The following FKBP14 variants were observed in gnomAD, a reference collection of about 807,000 sequenced individuals.
FKBP14 encodes FKBP prolyl isomerase 14, also known as peptidyl-prolyl cis-trans isomerase FKBP14.
A neutral mutation model predicts 21.6 loss-of-function variants in FKBP14; 20 were observed. That is an observed-to-expected ratio of 0.92 (90% CI 0.65 to 1.34). The LOEUF (loss-of-function observed/expected upper bound fraction) is 1.34. Among genes scored for constraint, FKBP14 ranks in the 40% most tolerant of loss-of-function variants. FKBP14 has a pLI of 0.00. For synonymous variants in FKBP14, 79 were observed against 86.7 expected (o/e 0.91, Z 0.49); for missense variants, 253 against 249.0 (o/e 1.02, Z -0.11).
intron 1 of FKBP14, among the ~76,000 whole-genome samples, chr7:30,024,841 C>T (rs1477464318): frequency 2.0e-5 from 3 of 152,204 alleles, no homozygotes; most frequent in African/African-American, 2.4e-5. Flanking sequence ...CCAAAGTCAG[C>T]ACAGGTTTTT....
chr7:30,024,891 A>C (rs1790133382), intron 1 of FKBP14, among the ~76,000 whole-genome samples: 1 of 152,246 alleles, frequency 6.6e-6, no homozygotes, highest in Non-Finnish European at 1.5e-5. Flanking sequence ...AGTCTAAAAG[A>C]GATCAGACTA....
At position 30,022,820 on chromosome 7, in the gene FKBP14, TG is replaced by T; in HGVS notation, c.198-5del. ...CTGACCATTGTTATGTTTGTGACTA[TG>T]ATAGAAATAAAACACATTAGAACTC... On this transcript the variant is annotated splice_polypyrimidine_tract_variant and splice_region_variant and intron_variant, in intron 1 of 3. Coordinates refer to ENST00000222803, the MANE Select transcript of FKBP14 (RefSeq NM_017946.4). 1 of 1,610,306 alleles carries T rather than the reference TG, an allele frequency of 6.2e-7. No homozygotes were observed. The highest frequency in any genetic ancestry group is 1.7e-4 in the Middle Eastern group (1 of 6,052).
intron 3 of FKBP14, among the ~76,000 whole-genome samples, chr7:30,015,626 C>CTTT (rs1265376198): frequency 3.8e-5 from 5 of 131,632 alleles, no homozygotes; most frequent in African/African-American, 1.1e-4. Flanking sequence ...TAGACAGAAT[C>CTTT]TTTTTTTTTT....
In FKBP14 at chr7:30,011,594, ATATATATATATATATAT is replaced by A. The variant is rs1562834425; in HGVS notation, c.*3124_*3140del. ...TATATGGTATATATATATATATAGT[ATATATATATATATATAT>A]TTTTTTTTTTAGATGGGGAGTCACT... On this transcript the variant is annotated 3_prime_UTR_variant, in exon 4 of 4. Coordinates refer to ENST00000222803, the MANE Select transcript of FKBP14 (RefSeq NM_017946.4). 3 of 127,024 alleles carry A rather than the reference ATATATATATATATATAT, an allele frequency of 2.4e-5. No homozygotes were observed. Among genetic ancestry groups the A allele is most frequent in the African/African-American group, 8.7e-5 (3 of 34,434 alleles). 7.9% of individuals were successfully genotyped at this position (127,024 alleles called of 1,614,324 possible).
In FKBP14 at chr7:30,026,692, A is replaced by G. The variant is rs1457138475; in HGVS notation, c.-184T>C. On this transcript the variant is annotated 5_prime_UTR_variant, in exon 1 of 4. Transcript: ENST00000222803. ...CTCAAGGGTCACGAACCTACCTTTA[A>G]AGAGTTAAGCCCAAATGCCGGCCTG... 4.1e-5 allele frequency: 22 copies of G among 542,630 alleles called. No homozygotes were observed. The highest frequency in any genetic ancestry group is 2.3e-4 in the East Asian group (8 of 34,884). 33.6% of individuals were successfully genotyped at this position (542,630 alleles called of 1,614,324 possible).
Position 30,026,547 on chromosome 7 carries a change from G to T in FKBP14, c.-39C>A. 6.4e-7 allele frequency: 1 copy of T among 1,569,614 alleles called. No homozygotes were observed. Among genetic ancestry groups the T allele is most frequent in the Non-Finnish European group, 8.6e-7 (1 of 1,156,874 alleles). ...GGAAAGAAGTCCCTACAAAAGCAGC[G>T]AAAGGTCCCTCGACTTCATAGATTT... On this transcript the variant is annotated 5_prime_UTR_variant, in exon 1 of 4. The change creates a premature stop within an existing upstream ORF in the 5' untranslated region. Coordinates refer to ENST00000222803, the MANE Select transcript of FKBP14 (RefSeq NM_017946.4).
chr7:30,018,565 C>G (rs910780627), intron 3 of FKBP14, among the ~76,000 whole-genome samples: 3 of 152,204 alleles, frequency 2.0e-5, no homozygotes, highest in Non-Finnish European at 4.4e-5. Context: ...CAGGAAAACA[C>G]TACAAGATGT....
chr7:30,018,901 A>G, intron 3 of FKBP14, 95 bp downstream of exon 3: 1 of 1,278,168 alleles, frequency 7.8e-7, no homozygotes, highest in African/African-American at 1.5e-5. Flanking sequence ...ATATACACAT[A>G]TTCATTTAAA....
downstream of FKBP14, among the ~76,000 whole-genome samples, chr7:30,006,405 G>A (rs1789619032): frequency 6.6e-6 from 1 of 151,788 alleles, no homozygotes. Flanking sequence ...GAGATTACAG[G>A]CGTGAGCCAC....
downstream of FKBP14, among the ~76,000 whole-genome samples, chr7:30,007,772 A>G (rs998451713): frequency 5.9e-5 from 9 of 152,162 alleles, no homozygotes; most frequent in African/African-American, 2.2e-4. Context: ...ACTCAGGCCC[A>G]GCGTGATGGC....
Position 30,012,044 on chromosome 7 carries a change from A to G in FKBP14, c.*2691T>C, listed in dbSNP as rs1455607604. ...TCCTACATGTGTAGCAGGCTACACT[A>G]TCTAGGTTTGTGTAAGTACACTCTA... On this transcript the variant is annotated 3_prime_UTR_variant, in exon 4 of 4. Coordinates refer to ENST00000222803, the MANE Select transcript of FKBP14 (RefSeq NM_017946.4). 6.6e-6 allele frequency: 1 copy of G among 152,220 alleles called. No homozygotes were observed. Among genetic ancestry groups the G allele is most frequent in the Non-Finnish European group, 1.5e-5 (1 of 68,044 alleles). The allele number at this position is 152,220 out of a possible 1,614,324, so 9.4% of individuals were successfully genotyped here.
chr7:30,006,406 CG>C (rs1789619144), downstream of FKBP14, among the ~76,000 whole-genome samples: 1 of 151,544 alleles, frequency 6.6e-6, no homozygotes, highest in African/African-American at 2.4e-5. Context: ...AGATTACAGG[CG>C]TGAGCCACCA....
chr7:30,017,419 A>G (rs575910740), intron 3 of FKBP14, among the ~76,000 whole-genome samples: 214 of 152,218 alleles, frequency 1.4e-3, no homozygotes, highest in African/African-American at 5.0e-3. Flanking sequence ...AAATACGACA[A>G]TTAGCTGGGT....
chr7:30,022,706 AGCT>A lies in FKBP14; in HGVS notation c.305_307del (p.Lys102_Leu103delinsIle). ...ATAGCCCAGAGCAGGAGGAATGATG[AGCT>A]TTCTCTTCTCTCCTACACACATTCC... On this transcript the variant is annotated inframe_deletion, in exon 2 of 4. Transcript: ENST00000222803. 6.2e-7 allele frequency: 1 copy of A among 1,614,084 alleles called. No homozygotes were observed. The highest frequency in any genetic ancestry group is 1.1e-5 in the South Asian group (1 of 91,056).
rs1324779940 is a variant in FKBP14 at position 30,026,587 on chromosome 7, A to C, written c.-79T>G. On this transcript the variant is annotated 5_prime_UTR_variant, in exon 1 of 4. Coordinates refer to ENST00000222803, the MANE Select transcript of FKBP14 (RefSeq NM_017946.4). Reference sequence around the variant, plus strand: ...TTCATAGATTTAAGAACGTAGTTCAAGGCTTACGGACAAGGGCTTCAGACA... The same window carrying C: ...TTCATAGATTTAAGAACGTAGTTCACGGCTTACGGACAAGGGCTTCAGACA... 3.9e-5 allele frequency: 54 copies of C among 1,367,550 alleles called. No homozygotes were observed. The highest frequency in any genetic ancestry group is 2.2e-4 in the Admixed American group (9 of 41,236). The allele number at this position is 1,367,550 out of a possible 1,614,324, so 84.7% of individuals were successfully genotyped here.
intron 1 of FKBP14, 54 bp from the exon 2 acceptor site, chr7:30,022,870 T>C: frequency 1.3e-6 from 2 of 1,522,786 alleles, no homozygotes; most frequent in Non-Finnish European, 1.8e-6. Flanking sequence ...AAAAATTTTC[T>C]TTAGTGCATT....
Position 30,026,348 on chromosome 7 carries a change from C to A in FKBP14, c.161G>T (p.Gly54Val), listed in dbSNP as rs1346445279. 6.2e-7 allele frequency: 1 copy of A among 1,613,320 alleles called. No homozygotes were observed. Among genetic ancestry groups the A allele is most frequent in the South Asian group, 1.1e-5 (1 of 91,032 alleles). ...TAAGGAGCCGTCCTTTTCTAAGTAG[C>A]CTTCATAGTGGACCAACATCAAATC... Reference protein sequence around the residue: ...GGDLMLVHYEGYLEKDGSLFH... With the variant: ...GGDLMLVHYEVYLEKDGSLFH... The change falls in exon 1 of 4, where the codon GGC becomes GTC. Residue 54 changes from glycine to valine, a missense_variant. By Grantham distance (109) the Gly-to-Val change is moderately radical. Transcript: ENST00000222803.
intron 3 of FKBP14, 29 bp downstream of exon 3, chr7:30,018,967 A>G (rs1789961383): frequency 6.2e-7 from 1 of 1,600,092 alleles, no homozygotes; most frequent in Non-Finnish European, 8.5e-7. Context: ...AGAAAAGTAG[A>G]AAGAGGAGTA....
rs764844758 is a variant in FKBP14, at chr7:30,016,463, G to C, written c.478-1570C>G. Among the ~76,000 whole-genome samples, 7 of 151,406 alleles carry C rather than the reference G, an allele frequency of 4.6e-5. No individual in the cohort carries two copies. In the East Asian group the frequency reaches 1.4e-3, roughly 29 times the overall value. On this transcript the variant is annotated intron_variant, in intron 3 of 3. Coordinates refer to ENST00000222803, the MANE Select transcript of FKBP14 (RefSeq NM_017946.4). ...GGCTGGAGTATAGTGGCACGATCTC[G>C]GCCCACTACAACTTCCAACTCCCAG...
Sources: gnomAD v4.1 joint callset for allele counts (sites outside exome capture counted in the v4.1 genomes callset) on GRCh38, gnomAD v4.1.1 for gene constraint, MANE v1.5 for transcripts, NCBI Gene and HGNC (gene_info 2026-07-23, HGNC 2026-07-21) for gene names.